The following MAML3 variants were observed in gnomAD, a reference collection of about 807,000 sequenced individuals.
MAML3 encodes the protein mastermind like transcriptional coactivator 3, also known as mastermind-like protein 3.
Under a neutral mutation model 101.9 loss-of-function variants are expected in MAML3, and 27 were observed. That is an observed-to-expected ratio of 0.27 (90% CI 0.20 to 0.37). MAML3 has a LOEUF of 0.37. Among genes scored for constraint, MAML3 ranks in the 10% least tolerant of loss-of-function variants. MAML3 has a pLI of 1.00. For synonymous variants in MAML3, 501 were observed against 555.9 expected (o/e 0.90, Z 1.39); for missense variants, 1,316 against 1,444.9 (o/e 0.91, Z 1.45).
chr4:140,111,420 C>T (rs1226923532), intron 1 of MAML3, among the ~76,000 whole-genome samples: 1 of 152,190 alleles, frequency 6.6e-6, no homozygotes, highest in Non-Finnish European at 1.5e-5. Context: ...CGTGCAAACA[C>T]ATGGATGTTC....
chr4:139,839,142 C>T (rs1431519973), intron 2 of MAML3, among the ~76,000 whole-genome samples: 8 of 152,126 alleles, frequency 5.3e-5, no homozygotes, highest in South Asian at 4.1e-4. Context: ...ATCAAGAACG[C>T]GCTGGCATCA....
intron 2 of MAML3, among the ~76,000 whole-genome samples, chr4:139,744,385 C>A (rs1304806195): frequency 2.0e-5 from 3 of 152,148 alleles, no homozygotes. Flanking sequence ...AAGCAAACAA[C>A]CCACTTGCTT....
chr4:140,122,033 G>A (rs555171719), intron 1 of MAML3, among the ~76,000 whole-genome samples: 3 of 152,144 alleles, frequency 2.0e-5, no homozygotes, highest in Admixed American at 6.5e-5. Context: ...TTCTCCTTCC[G>A]CCATGATTGT....
rs560419436 is a variant in MAML3, at chr4:140,049,546, C to T, written c.468+103314G>A. ...AGCAGGCTGAGCTTAATATATTGTA[C>T]TATTAAGAGCAAGGCTTAATCAGGG... On this transcript the variant is annotated intron_variant, in intron 1 of 4. Coordinates refer to ENST00000509479, the MANE Select transcript of MAML3 (RefSeq NM_018717.5). 1.3e-5 allele frequency among the ~76,000 whole-genome samples: 2 copies of T among 152,286 alleles called. 1 individual carries two copies. Among genetic ancestry groups the T allele is most frequent in the South Asian group, 4.1e-4 (2 of 4,826 alleles).
chr4:139,906,825 A>G (rs1732831452), intron 1 of MAML3, among the ~76,000 whole-genome samples: 1 of 152,196 alleles, frequency 6.6e-6, no homozygotes, highest in East Asian at 1.9e-4. Flanking sequence ...ATAGCTCTCT[A>G]AAACTCCCCT....
chr4:139,844,869 C>A (rs999526482), intron 2 of MAML3, among the ~76,000 whole-genome samples: 1 of 152,234 alleles, frequency 6.6e-6, no homozygotes, highest in South Asian at 2.1e-4. Flanking sequence ...GAGAGCTGAA[C>A]AAAAGCCTGC....
chr4:139,767,946 T>C (rs1292536767), intron 2 of MAML3, among the ~76,000 whole-genome samples: 1 of 152,272 alleles, frequency 6.6e-6, no homozygotes, highest in South Asian at 2.1e-4. Flanking sequence ...TATTATATTC[T>C]AGATGAGGTT....
In MAML3 at chr4:139,761,981, T is replaced by C. The variant is rs1360747502; in HGVS notation, c.2080-31314A>G. On this transcript the variant is annotated intron_variant, in intron 2 of 4. Coordinates refer to ENST00000509479, the MANE Select transcript of MAML3 (RefSeq NM_018717.5). ...TTGCTGGATTGTGAAGCATAGGGCA[T>C]GAGACAGGAAGAAGTCAGGCTAGAG... 2.0e-5 allele frequency among the ~76,000 whole-genome samples: 3 copies of C among 151,914 alleles called. No homozygotes were observed. In the East Asian group the frequency reaches 5.8e-4, roughly 29 times the overall value.
chr4:140,123,415 CT>C (rs1052320860), intron 1 of MAML3, among the ~76,000 whole-genome samples: 14 of 151,204 alleles, frequency 9.3e-5, no homozygotes, highest in African/African-American at 3.4e-4. Flanking sequence ...ATTGTGAGTA[CT>C]TTTTTTTTAA....
intron 1 of MAML3, among the ~76,000 whole-genome samples, chr4:140,026,934 T>C (rs766553999): frequency 3.3e-5 from 5 of 152,178 alleles, no homozygotes; most frequent in African/African-American, 4.8e-5. Flanking sequence ...ATGCTTTATA[T>C]GTGCAATACT....
intron 1 of MAML3, among the ~76,000 whole-genome samples, chr4:140,122,445 C>A (rs1051401747): frequency 6.6e-6 from 1 of 152,090 alleles, no homozygotes; most frequent in African/African-American, 2.4e-5. Flanking sequence ...TGGTATGGAA[C>A]TCCTGACCTC....
chr4:139,852,384 C>G (rs1414276182), intron 2 of MAML3, among the ~76,000 whole-genome samples: 1 of 145,206 alleles, frequency 6.9e-6, no homozygotes, highest in Non-Finnish European at 1.5e-5. Flanking sequence ...TTCCAAAGCT[C>G]ACCAAAATTC....
chr4:139,845,006 GTC>G (rs139759127), intron 2 of MAML3, among the ~76,000 whole-genome samples: 4 of 148,270 alleles, frequency 2.7e-5, no homozygotes, highest in South Asian at 2.1e-4. Flanking sequence ...CTCTCTCTCT[GTC>G]TCTCTCTCTC....
chr4:139,745,369 G>A (rs1300422495), intron 2 of MAML3, among the ~76,000 whole-genome samples: 6 of 152,194 alleles, frequency 3.9e-5, no homozygotes, highest in Non-Finnish European at 8.8e-5. Flanking sequence ...TGTCAGGTAA[G>A]CTAGTGTCAG....
chr4:139,730,435 TG>T lies in MAML3; in HGVS notation c.2311del (p.Gln771SerfsTer41). ...EQRQQQQQQQQQILAEQQLQQ... is the reference protein window; with the variant it reads ...EQRQQQQQQQXQILAEQQLQQ... ...TGTTACCTGTTCCGCCAAAATCTGC[TG>T]CTGCTGCTGCTGCTGCTGCTGCCTT... On this transcript the variant is annotated frameshift_variant, in exon 3 of 5. Transcript: ENST00000509479. LOFTEE classifies it high-confidence loss of function. 1.5e-6 allele frequency: 1 copy of T among 662,050 alleles called. No homozygotes were observed. Among genetic ancestry groups the T allele is most frequent in the South Asian group, 5.1e-5 (1 of 19,746 alleles). 41.0% of individuals were successfully genotyped at this position (662,050 alleles called of 1,614,324 possible). A position where few individuals can be genotyped will look rare whatever the true frequency, so the allele number is the denominator to read the frequency against.
At chr4:139,739,548 G>C (rs1465622776) in intron 2 of MAML3, among the ~76,000 whole-genome samples, 1 of 152,048 alleles carries the variant, frequency 6.6e-6, no homozygotes, top group Non-Finnish European at 1.5e-5. Flanking sequence ...ATAGAAGCTT[G>C]ATTAAATAAA....
intron 1 of MAML3, among the ~76,000 whole-genome samples, chr4:140,093,905 G>A (rs921172593): frequency 4.7e-4 from 72 of 152,238 alleles, no homozygotes; most frequent in African/African-American, 1.6e-3. Flanking sequence ...CGGTCTGGCC[G>A]TCAGGTTGTC....
intron 2 of MAML3, among the ~76,000 whole-genome samples, chr4:139,780,240 G>A (rs1255870016): frequency 6.6e-6 from 1 of 152,110 alleles, no homozygotes; most frequent in African/African-American, 2.4e-5. Flanking sequence ...TCCATTGGAC[G>A]GCTCTGACCC....
intron 2 of MAML3, among the ~76,000 whole-genome samples, chr4:139,755,127 T>C (rs1362665202): frequency 6.6e-6 from 1 of 152,246 alleles, no homozygotes; most frequent in Non-Finnish European, 1.5e-5. Flanking sequence ...GTAGTTGGCT[T>C]GGCCAGCTGG....
Sources: allele counts gnomAD v4.1 joint callset (sites outside exome capture counted in the v4.1 genomes callset), GRCh38; gene constraint gnomAD v4.1.1; transcripts MANE v1.5; gene names NCBI Gene and HGNC (gene_info 2026-07-23, HGNC 2026-07-21).